Variants in GART observed in about 807,000 individuals in gnomAD.
GART encodes phosphoribosylglycinamide formyltransferase, phosphoribosylglycinamide synthetase, phosphoribosylaminoimidazole synthetase, also known as trifunctional purine biosynthetic protein adenosine-3.
GART carries 43 observed loss-of-function variants against 107.2 expected under a neutral mutation model. The ratio of observed to expected loss-of-function variants is 0.40; its 90% CI spans 0.31 to 0.52. GART has a LOEUF of 0.52. GART is among the 20% of genes least tolerant of loss of function. The probability of loss-of-function intolerance (pLI) is 0.52; values close to 1 mark genes in which losing one functional copy is unlikely to be tolerated. For missense variants in GART, 1,107 were observed against 1,206.5 expected, an observed-to-expected ratio of 0.92 and a Z score of 1.22; for synonymous variants, 434 against 427.0, an observed-to-expected ratio of 1.02 and a Z score of -0.20.
chr21:33,532,481 C>T (rs1438866984), intron 4 of GART, 25 bp from the exon 5 acceptor site: 2 of 1,523,230 alleles, frequency 1.3e-6, no homozygotes, highest in East Asian at 4.5e-5. Context: ...TAATCGTCAA[C>T]ATCCAATAAA....
chr21:33,520,566 T>C lies in GART; in HGVS notation c.1504-4A>G, dbSNP rs761497734. 6.2e-7 allele frequency: 1 copy of C among 1,611,628 alleles called. No homozygotes were observed. The highest frequency in any genetic ancestry group is 1.1e-5 in the South Asian group (1 of 90,942). On this transcript the variant is annotated splice_polypyrimidine_tract_variant and splice_region_variant and intron_variant, in intron 13 of 21. Transcript: ENST00000381815. ...GTTTATTGCATAGCTGGGCAATCTA[T>C]GTAAGAACAATATAAACATCCACAT...
intron 16 of GART, among the ~76,000 whole-genome samples, chr21:33,514,387 T>TA (rs2084840921): frequency 6.6e-6 from 1 of 152,212 alleles, no homozygotes; most frequent in South Asian, 2.1e-4. Context: ...TTTATTGGAA[T>TA]ACAGACATTT....
At chr21:33,506,145 T>TAC in intron 18 of GART, 41 bp from the exon 19 acceptor site, 8 of 1,572,690 alleles carry the variant, frequency 5.1e-6, no homozygotes, top group Non-Finnish European at 5.2e-6. Context: ...ATACTACTAC[T>TAC]TCTTTTTTTT....
intron 4 of GART, among the ~76,000 whole-genome samples, chr21:33,533,235 C>T (rs1355842484): frequency 3.3e-5 from 5 of 150,396 alleles, no homozygotes; most frequent in South Asian, 4.2e-4. Flanking sequence ...GTCAGGAGAT[C>T]GAGACCATCC....
intron 7 of GART, among the ~76,000 whole-genome samples, chr21:33,529,949 C>T (rs2085152181): frequency 6.6e-6 from 1 of 151,812 alleles, no homozygotes; most frequent in African/African-American, 2.4e-5. Flanking sequence ...AATCCCAGCA[C>T]TTTGGGAGGC....
chr21:33,530,358 A>C (rs2085161223), intron 7 of GART, among the ~76,000 whole-genome samples: 2 of 152,164 alleles, frequency 1.3e-5, no homozygotes, highest in African/African-American at 4.8e-5. Flanking sequence ...TATCACACGC[A>C]CACTAGAAAT....
intron 11 of GART, among the ~76,000 whole-genome samples, chr21:33,523,176 G>A (rs1198814974): frequency 6.6e-6 from 1 of 152,126 alleles, no homozygotes; most frequent in East Asian, 1.9e-4. Flanking sequence ...CTGGCCTGCT[G>A]GGATGCAGTG....
At chr21:33,507,940 G>T (rs1255309985) in intron 18 of GART, among the ~76,000 whole-genome samples, 2 of 152,180 alleles carry the variant, frequency 1.3e-5, no homozygotes, top group African/African-American at 4.8e-5. Flanking sequence ...TTACAGGGAT[G>T]TGATTATTAC....
chr21:33,517,405 G>A lies in GART; in HGVS notation c.1906C>T (p.Leu636Phe). The A allele has an allele frequency of 1.2e-6, 2 of 1,614,156 alleles. No individual in the cohort carries two copies. The highest frequency in any genetic ancestry group is 1.7e-6 in the Non-Finnish European group (2 of 1,180,040). Reference sequence around the variant, plus strand: ...TCAGGTGCTGGAGAGGAGTACTGGAGGGAAGATTTTGCCACGATTTTCCTC... The same window carrying A: ...TCAGGTGCTGGAGAGGAGTACTGGAAGGAAGATTTTGCCACGATTTTCCTC... ...LVRKIVAKSS[L>F]QYSSPAPDGC... is the part of the protein sequence containing the mutation. Residue 636 changes from leucine (L) to phenylalanine (F), a missense_variant, in exon 15 of 22, where the codon CTC (leucine) becomes TTC (phenylalanine). Physicochemically the swap from Leu to Phe is conservative, Grantham distance 22 (BLOSUM62 0). Coordinates refer to ENST00000381815, the MANE Select transcript of GART (RefSeq NM_000819.5).
intron 16 of GART, among the ~76,000 whole-genome samples, chr21:33,516,106 G>A (rs1465321843): frequency 6.6e-6 from 1 of 151,802 alleles, no homozygotes. Context: ...AAATTAGCCG[G>A]GCATGGTGGC....
intron 18 of GART, among the ~76,000 whole-genome samples, chr21:33,508,018 CAAATTAA>C (rs2084714364): frequency 6.6e-6 from 1 of 151,950 alleles, no homozygotes; most frequent in South Asian, 2.1e-4. Context: ...TGTACCCATA[CAAATTAA>C]AAATTAAAAA....
intron 10 of GART, 151 bp downstream of exon 10, chr21:33,528,016 A>C: frequency 1.6e-6 from 1 of 633,940 alleles, no homozygotes; most frequent in Non-Finnish European, 2.8e-6. Context: ...TTGAACACAC[A>C]TATCCAATAA....
At chr21:33,538,550 G>C (rs1333166651) in intron 2 of GART, among the ~76,000 whole-genome samples, 1 of 152,044 alleles carries the variant, frequency 6.6e-6, no homozygotes, top group Non-Finnish European at 1.5e-5. Context: ...GTATTTAATA[G>C]CAATACTAAA....
intron 4 of GART, among the ~76,000 whole-genome samples, chr21:33,533,222 G>A (rs893632801): frequency 1.3e-5 from 2 of 149,744 alleles, no homozygotes; most frequent in African/African-American, 2.5e-5. Context: ...GGCGGATCAC[G>A]AGGTCAGGAG....
chr21:33,520,718 C>T (rs1452409527), intron 13 of GART, 156 bp from the exon 14 acceptor site: 3 of 706,940 alleles, frequency 4.2e-6, no homozygotes, highest in Admixed American at 3.0e-5. Context: ...CTCTAAAGTA[C>T]CCTTCCATCC....
chr21:33,536,814 C>G (rs1480263155), intron 2 of GART, among the ~76,000 whole-genome samples: 2 of 152,150 alleles, frequency 1.3e-5, no homozygotes, highest in African/African-American at 4.8e-5. Context: ...TCAGGTTGGA[C>G]GGCACAAAAT....
At chr21:33,517,319 AT>A (rs1181729816) in intron 15 of GART, 37 bp downstream of exon 15, 1 of 1,610,694 alleles carries the variant, frequency 6.2e-7, no homozygotes, top group Non-Finnish European at 8.5e-7. Context: ...TTGCTCAGGC[AT>A]TTCCAAGCAG....
intron 18 of GART, among the ~76,000 whole-genome samples, chr21:33,507,577 T>C (rs1374234978): frequency 6.6e-6 from 1 of 152,172 alleles, no homozygotes; most frequent in Non-Finnish European, 1.5e-5. Flanking sequence ...TCCCAGCACT[T>C]TGGGAGGCCA....
At chr21:33,505,775 C>T in intron 19 of GART, 73 bp from the exon 20 acceptor site, 1 of 1,400,806 alleles carries the variant, frequency 7.1e-7, no homozygotes, top group Non-Finnish European at 9.7e-7. Context: ...AACCTTTACA[C>T]AGACCATACT....
Sources: gnomAD v4.1 joint callset for allele counts (sites outside exome capture counted in the v4.1 genomes callset) on GRCh38, gnomAD v4.1.1 for gene constraint, MANE v1.5 for transcripts, NCBI Gene and HGNC (gene_info 2026-07-23, HGNC 2026-07-21) for gene names.